The following EPHA3 variants were observed in gnomAD, a reference collection of about 807,000 sequenced individuals.
EPHA3 encodes EPH receptor A3.
Under a neutral mutation model 107.1 loss-of-function variants are expected in EPHA3, and 42 were observed. The ratio of observed to expected loss-of-function variants is 0.39; its 90% CI spans 0.31 to 0.51. The LOEUF (loss-of-function observed/expected upper bound fraction) is 0.51, where lower values mean the gene tolerates loss of function less well. Ranked by LOEUF, EPHA3 falls within the 20% of genes least tolerant of loss-of-function variation. The pLI, the probability that EPHA3 is intolerant of heterozygous loss-of-function variation, is 0.78. For missense variants in EPHA3, 1,183 were observed against 1,211.2 expected (o/e 0.98, Z 0.35); for synonymous variants, 461 against 424.8 (o/e 1.09, Z -1.05).
At chr3:89,200,975 T>A (rs1415149902) in intron 2 of EPHA3, among the ~76,000 whole-genome samples, 3 of 152,026 alleles carry the variant, frequency 2.0e-5, no homozygotes, top group Non-Finnish European at 2.9e-5. Flanking sequence ...AGCCCTGAAC[T>A]GGAATAAGCA....
intron 11 of EPHA3, among the ~76,000 whole-genome samples, chr3:89,428,249 A>G (rs1709495864): frequency 6.6e-6 from 1 of 151,982 alleles, no homozygotes. Context: ...TTTTAGCTTT[A>G]TAACTTGTTA....
chr3:89,189,613 A>G (rs774563336), intron 2 of EPHA3, among the ~76,000 whole-genome samples: 26 of 152,224 alleles, frequency 1.7e-4, no homozygotes, highest in Non-Finnish European at 1.8e-4. Flanking sequence ...CAAGAAAACT[A>G]CACTAAGAGA....
At chr3:89,399,840 C>CA (rs564063002) in intron 7 of EPHA3, 38 of 1,087,880 alleles carry the variant, frequency 3.5e-5, no homozygotes, top group Non-Finnish European at 3.6e-5. Flanking sequence ...CAATGAACCA[C>CA]AAAAAAGAAA....
intron 5 of EPHA3, among the ~76,000 whole-genome samples, chr3:89,371,535 A>G (rs1327044377): frequency 6.6e-6 from 1 of 151,706 alleles, no homozygotes; most frequent in African/African-American, 2.4e-5. Flanking sequence ...TGTATTCCTT[A>G]TAAGGAGATT....
At chr3:89,258,689 ATACAT>A (rs1705343615) in intron 3 of EPHA3, among the ~76,000 whole-genome samples, 1 of 152,230 alleles carries the variant, frequency 6.6e-6, no homozygotes, top group Admixed American at 6.5e-5. Flanking sequence ...AAAGAAATAC[ATACAT>A]TACATATAAT....
At position 89,437,098 on chromosome 3, in the gene EPHA3, C is replaced by A. The variant is rs115704014; in HGVS notation, c.2346+5739C>A. ...TTCAGTATTATTATGAAAATAGTTT[C>A]TATCTTGTGGACCCCTAAAATGCTC... On this transcript the variant is annotated intron_variant, in intron 13 of 16. Coordinates refer to ENST00000336596, the MANE Select transcript of EPHA3 (RefSeq NM_005233.6). Among the ~76,000 whole-genome samples the A allele has an allele frequency of 5.6e-3, 848 of 152,240 alleles. 9 individuals carry two copies. Among genetic ancestry groups the A allele is most frequent in the African/African-American group, 0.019 (797 of 41,538 alleles).
At chr3:89,249,689 G>C (rs1287345902) in intron 3 of EPHA3, among the ~76,000 whole-genome samples, 1 of 152,094 alleles carries the variant, frequency 6.6e-6, no homozygotes, top group African/African-American at 2.4e-5. Context: ...TCAAACTCCT[G>C]AGTACAAGCA....
intron 15 of EPHA3, among the ~76,000 whole-genome samples, chr3:89,468,797 C>T (rs1470126569): frequency 1.3e-5 from 2 of 152,122 alleles, no homozygotes; most frequent in East Asian, 3.9e-4. Context: ...GACTATTTCA[C>T]TCATGATAAC....
At chr3:89,454,712 C>T (rs1671061855) in intron 15 of EPHA3, among the ~76,000 whole-genome samples, 4 of 152,162 alleles carry the variant, frequency 2.6e-5, no homozygotes, top group Admixed American at 2.6e-4. Context: ...GCCCTGCTGA[C>T]TGGGTGGAGT....
chr3:89,275,717 C>T (rs936708655), intron 3 of EPHA3, among the ~76,000 whole-genome samples: 1 of 151,962 alleles, frequency 6.6e-6, no homozygotes, highest in African/African-American at 2.4e-5. Flanking sequence ...AAAGTTTGTG[C>T]ATTTTATGTG....
chr3:89,141,968 T>G (rs529686895), intron 2 of EPHA3, among the ~76,000 whole-genome samples: 2 of 151,620 alleles, frequency 1.3e-5, no homozygotes, highest in African/African-American at 2.4e-5. Context: ...ATTTATATAA[T>G]GTACTTCTAG....
At chr3:89,230,178 A>T (rs1413451815) in intron 3 of EPHA3, among the ~76,000 whole-genome samples, 1 of 152,066 alleles carries the variant, frequency 6.6e-6, no homozygotes, top group Non-Finnish European at 1.5e-5. Context: ...AGCTCTTTGT[A>T]GCAGATCCCA....
chr3:89,147,406 C>G (rs916142264), intron 2 of EPHA3, among the ~76,000 whole-genome samples: 6 of 151,758 alleles, frequency 4.0e-5, no homozygotes, highest in African/African-American at 1.5e-4. Context: ...AAAAATCTTA[C>G]AATAAAGTTG....
At chr3:89,268,570 A>G (rs1402946032) in intron 3 of EPHA3, among the ~76,000 whole-genome samples, 1 of 151,888 alleles carries the variant, frequency 6.6e-6, no homozygotes, top group Non-Finnish European at 1.5e-5. Flanking sequence ...CAATTTTATC[A>G]TATAATTAAT....
At chr3:89,111,808 C>G (rs758457220) in intron 1 of EPHA3, among the ~76,000 whole-genome samples, 13 of 152,092 alleles carry the variant, frequency 8.5e-5, no homozygotes, top group Non-Finnish European at 1.3e-4. Flanking sequence ...AAAAGGTTCA[C>G]TCGGATACCT....
At chr3:89,402,914 G>A (rs1054365828) in intron 7 of EPHA3, among the ~76,000 whole-genome samples, 2 of 152,126 alleles carry the variant, frequency 1.3e-5, no homozygotes, top group Admixed American at 6.6e-5. Context: ...CTGACCTCAA[G>A]TAATCCGACT....
chr3:89,395,202 C>T (rs962790541), intron 5 of EPHA3, among the ~76,000 whole-genome samples: 1 of 152,056 alleles, frequency 6.6e-6, no homozygotes, highest in African/African-American at 2.4e-5. Flanking sequence ...TCCTTGGTAC[C>T]TCTCATTAAG....
At chr3:89,167,098 G>A (rs980170081) in intron 2 of EPHA3, among the ~76,000 whole-genome samples, 3 of 151,638 alleles carry the variant, frequency 2.0e-5, no homozygotes, top group African/African-American at 7.3e-5. Flanking sequence ...TCAATGACCT[G>A]GAAAAAAAAT....
chr3:89,210,626 C>A, intron 3 of EPHA3, 106 bp downstream of exon 3: 1 of 1,229,800 alleles, frequency 8.1e-7, no homozygotes, highest in Non-Finnish European at 1.1e-6. Flanking sequence ...GGCAGGAAAA[C>A]ATGCCTCAAA....
Sources: allele counts gnomAD v4.1 joint callset (sites outside exome capture counted in the v4.1 genomes callset), GRCh38; gene constraint gnomAD v4.1.1; transcripts MANE v1.5; gene names NCBI Gene and HGNC (gene_info 2026-07-23, HGNC 2026-07-21).